MYO5A: variants seen among roughly 807,000 people sequenced by gnomAD.
MYO5A encodes unconventional myosin-Va.
In MYO5A, 98 loss-of-function variants were observed where a neutral mutation model predicts 249.7. That is an observed-to-expected ratio of 0.39 (90% CI 0.33 to 0.46). The LOEUF is 0.46. MYO5A is among the 20% of genes least tolerant of loss of function. The pLI is 0.98. For synonymous variants in MYO5A, 778 were observed against 810.6 expected (o/e 0.96, Z 0.68); for missense variants, 1,696 against 2,308.8 (o/e 0.73, Z 5.44).
rs922279491 is a variant in MYO5A at position 52,370,527 on chromosome 15, A to C, written c.2818-110T>G. On this transcript the variant is annotated intron_variant, in intron 21 of 41. Transcript: ENST00000399233. The stretch of plus-strand genomic sequence containing the variant: ...TTCATGCTATATCATCATAACATTG[A>C]TATAGTATCCAACCAAAATACTACA... 3.3e-6 allele frequency: 4 copies of C among 1,223,930 alleles called. No homozygotes were observed. The African/African-American group carries it at 6.0e-5, about 18-fold the overall frequency. The allele number at this position is 1,223,930 out of a possible 1,614,324, so 75.8% of individuals were successfully genotyped here.
At chr15:52,379,452 T>C (rs2041616978) in intron 18 of MYO5A, among the ~76,000 whole-genome samples, 173 bp downstream of exon 18, 1 of 152,192 alleles carries the variant, frequency 6.6e-6, no homozygotes, top group Non-Finnish European at 1.5e-5. Context: ...CTCCTGACGG[T>C]GGACTATCAT....
chr15:52,323,429 A>C lies in MYO5A; in HGVS notation c.4726T>G (p.Phe1576Val), dbSNP rs2038427008. 1 of 1,613,142 alleles carries C rather than the reference A, an allele frequency of 6.2e-7. No individual in the cohort carries two copies. The highest frequency in any genetic ancestry group is 1.7e-5 in the Admixed American group (1 of 59,992). ...GAGAGCCAGAAGGAGACGGTTTCAA[A>C]ATCATCACCTCTTTTCTGAAAGAGA... ...KKVLKKRGDDFETVSFWLSNT... is the reference protein window; with the variant it reads ...KKVLKKRGDDVETVSFWLSNT... Residue 1576 changes from phenylalanine to valine, a missense_variant, in exon 37 of 42, where the codon TTT (phenylalanine) becomes GTT (valine). Coordinates refer to ENST00000399233, the MANE Select transcript of MYO5A (RefSeq NM_001382347.1).
chr15:52,462,021 T>C (rs2076260599), intron 1 of MYO5A, among the ~76,000 whole-genome samples: 1 of 151,258 alleles, frequency 6.6e-6, no homozygotes, highest in Non-Finnish European at 1.5e-5. Context: ...CCCAGCACTT[T>C]GGGAGGCCGA....
chr15:52,513,289 G>C (rs901829675), intron 1 of MYO5A, among the ~76,000 whole-genome samples: 5 of 151,332 alleles, frequency 3.3e-5, no homozygotes, highest in Admixed American at 6.6e-5. Context: ...AAATTAGCAG[G>C]GTGTGGTGCC....
intron 1 of MYO5A, among the ~76,000 whole-genome samples, chr15:52,487,530 C>T (rs1275956008): frequency 6.6e-6 from 1 of 152,150 alleles, no homozygotes; most frequent in Non-Finnish European, 1.5e-5. Context: ...TCAAGACCAG[C>T]TTGGACCACA....
intron 25 of MYO5A, among the ~76,000 whole-genome samples, chr15:52,358,343 C>CCTAAATTT (rs2040350619): frequency 6.6e-6 from 1 of 152,202 alleles, no homozygotes. Flanking sequence ...CTGAGATCAA[C>CCTAAATTT]AGGATGTAAT....
At chr15:52,334,223 T>C (rs966426569) in intron 34 of MYO5A, among the ~76,000 whole-genome samples, 2 of 152,214 alleles carry the variant, frequency 1.3e-5, no homozygotes, top group African/African-American at 4.8e-5. Flanking sequence ...ATAAAAATTA[T>C]GTAAAATAAT....
intron 1 of MYO5A, among the ~76,000 whole-genome samples, chr15:52,474,501 T>C (rs1261797824): frequency 6.6e-6 from 1 of 152,188 alleles, no homozygotes; most frequent in Admixed American, 6.5e-5. Flanking sequence ...TTTTTGCCCA[T>C]TCAGTATGAT....
At chr15:52,319,825 T>C (rs1567015678) in intron 38 of MYO5A, among the ~76,000 whole-genome samples, 1 of 152,230 alleles carries the variant, frequency 6.6e-6, no homozygotes, top group Non-Finnish European at 1.5e-5. Context: ...GAAGGAATAA[T>C]TCTTAATTGC....
rs1432810247 is a variant in MYO5A, at chr15:52,321,392, G to A, written c.4918C>T (p.Arg1640Trp). ...GGCTGAAGGATGTTCTCTAACACCC[G>A]CACGAGCTGCTGGTAGATCTGAATG... ...LAIQIYQQLV[R>W]VLENILQPMI... Residue 1640 changes from arginine to tryptophan, a missense_variant, in exon 38 of 42, where the codon CGG becomes TGG. Arg to Trp is a moderately radical substitution (Grantham distance 101). Around this residue, in one of 5 missense-constraint regions of MYO5A, gnomAD observed 625 missense variants for 908.1 expected, o/e 0.69. Transcript: ENST00000399233. 2 of 1,614,058 alleles carry A rather than the reference G, an allele frequency of 1.2e-6. No individual in the cohort carries two copies. The highest frequency in any genetic ancestry group is 1.3e-5 in the African/African-American group (1 of 74,916).
At chr15:52,352,864 A>G (rs1715286486) in intron 27 of MYO5A, among the ~76,000 whole-genome samples, 1 of 152,192 alleles carries the variant, frequency 6.6e-6, no homozygotes, top group Admixed American at 6.5e-5. Flanking sequence ...CCTTTCTTTC[A>G]TGAATTAATC....
In MYO5A at chr15:52,309,144, G is replaced by A. The variant is rs1344554488; in HGVS notation, c.*4552C>T. On this transcript the variant is annotated 3_prime_UTR_variant, in exon 42 of 42. Transcript: ENST00000399233. ...GGTGGCTCCAATAAAGACTCTGATG[G>A]GTGTGGGGAGAGTAACTTTCCTCTT... is the stretch of plus-strand genomic sequence containing the variant. The A allele has an allele frequency of 2.6e-5, 4 of 152,234 alleles. No individual in the cohort carries two copies. Among genetic ancestry groups the A allele is most frequent in the African/African-American group, 9.7e-5 (4 of 41,440 alleles). 9.4% of individuals were successfully genotyped at this position (152,234 alleles called of 1,614,324 possible).
intron 27 of MYO5A, among the ~76,000 whole-genome samples, chr15:52,352,943 T>C (rs2040029780): frequency 6.6e-6 from 1 of 152,234 alleles, no homozygotes; most frequent in Non-Finnish European, 1.5e-5. Flanking sequence ...CAGATTCTTA[T>C]TGCTCATTTC....
chr15:52,446,452 C>T (rs1466177256), intron 1 of MYO5A, among the ~76,000 whole-genome samples: 3 of 152,348 alleles, frequency 2.0e-5, no homozygotes, highest in South Asian at 4.1e-4. Context: ...GCCTGGGTGC[C>T]GAGGCAAAAG....
chr15:52,499,489 C>G (rs2077109907), intron 1 of MYO5A, among the ~76,000 whole-genome samples: 1 of 152,178 alleles, frequency 6.6e-6, no homozygotes, highest in Non-Finnish European at 1.5e-5. Flanking sequence ...ATGAACGCCC[C>G]ATTTTCCCCC....
intron 12 of MYO5A, among the ~76,000 whole-genome samples, chr15:52,390,016 G>A (rs966337519): frequency 6.6e-6 from 1 of 152,064 alleles, no homozygotes; most frequent in African/African-American, 2.4e-5. Context: ...TATTATGTAC[G>A]TTTTTAAAAT....
chr15:52,356,823 T>TG (rs1555432798), intron 25 of MYO5A, among the ~76,000 whole-genome samples: 2 of 127,774 alleles, frequency 1.6e-5, no homozygotes, highest in African/African-American at 8.5e-5. Flanking sequence ...TTTTTTATTT[T>TG]CAGGAATTGT....
chr15:52,389,441 C>A, intron 12 of MYO5A, 78 bp from the exon 13 acceptor site: 6 of 1,388,752 alleles, frequency 4.3e-6, no homozygotes, highest in Non-Finnish European at 5.9e-6. Flanking sequence ...GTCAAAAGAT[C>A]TTTTATTTTT....
In MYO5A at chr15:52,313,686, G is replaced by C. The variant is rs1289107015; in HGVS notation, c.*10C>G. 2.5e-6 allele frequency: 4 copies of C among 1,613,930 alleles called. No individual in the cohort carries two copies. In the African/African-American group the frequency reaches 5.3e-5, roughly 22 times the overall value. Reference sequence around the variant, plus strand: ...GAAATGTATTGTCAATTTTTGCCTGGACATCACTTTCAGACCCGTGAAATG... The same window carrying C: ...GAAATGTATTGTCAATTTTTGCCTGCACATCACTTTCAGACCCGTGAAATG... On this transcript the variant is annotated 3_prime_UTR_variant, in exon 42 of 42. Coordinates refer to ENST00000399233, the MANE Select transcript of MYO5A (RefSeq NM_001382347.1).
Sources: allele counts gnomAD v4.1 joint callset (sites outside exome capture counted in the v4.1 genomes callset), GRCh38; gene constraint gnomAD v4.1.1; regional missense constraint gnomAD v4.1.1; transcripts MANE v1.5; gene names NCBI Gene and HGNC (gene_info 2026-07-23, HGNC 2026-07-21).